Variants in KPNA4 observed in about 807,000 individuals in gnomAD.
KPNA4 encodes importin subunit alpha-3.
Under a neutral mutation model 71.3 loss-of-function variants are expected in KPNA4, and 13 were observed. The ratio of observed to expected loss-of-function variants is 0.18; its 90% CI spans 0.12 to 0.29. The LOEUF is 0.29. KPNA4 is among the 10% of genes least tolerant of loss of function. The probability of loss-of-function intolerance (pLI) is 1.00; values close to 1 mark genes in which losing one functional copy is unlikely to be tolerated. For synonymous variants in KPNA4, 189 were observed against 195.2 expected, an observed-to-expected ratio of 0.97 and a Z score of 0.26; for missense variants, 334 against 603.2, an observed-to-expected ratio of 0.55 and a Z score of 4.67.
In KPNA4 at chr3:160,501,128, A is replaced by G. The variant is rs1362824001; in HGVS notation, c.*976T>C. The G allele has an allele frequency of 6.6e-6, 1 of 151,778 alleles. No individual in the cohort carries two copies. The highest frequency in any genetic ancestry group is 2.4e-5 in the African/African-American group (1 of 41,084). 9.4% of individuals were successfully genotyped at this position (151,778 alleles called of 1,614,324 possible). The stretch of plus-strand genomic sequence containing the variant: ...GGAAATTTATGATTTTTTTCATGCA[A>G]AAATCTACACAAATTAGTTTTGATG... On this transcript the variant is annotated 3_prime_UTR_variant, in exon 17 of 17. Coordinates refer to ENST00000334256, the MANE Select transcript of KPNA4 (RefSeq NM_002268.5).
At chr3:160,549,301 G>T (rs1188035031) in intron 1 of KPNA4, among the ~76,000 whole-genome samples, 1 of 152,104 alleles carries the variant, frequency 6.6e-6, no homozygotes. Context: ...TGTTCCACTT[G>T]TCTATTTTTG....
chr3:160,554,625 T>G (rs890712598), intron 1 of KPNA4, among the ~76,000 whole-genome samples: 9 of 152,180 alleles, frequency 5.9e-5, no homozygotes, highest in African/African-American at 2.2e-4. Flanking sequence ...AAGACATGAC[T>G]AGAGAATTGG....
intron 2 of KPNA4, 23 bp from the exon 3 acceptor site, chr3:160,535,920 A>C (rs750937491): frequency 2.7e-6 from 3 of 1,100,896 alleles, no homozygotes; most frequent in South Asian, 3.8e-5. Flanking sequence ...AAAAAAAAAA[A>C]AAAAACCAAA....
chr3:160,538,390 G>T (rs896181013), intron 1 of KPNA4, among the ~76,000 whole-genome samples: 1 of 152,034 alleles, frequency 6.6e-6, no homozygotes, highest in South Asian at 2.1e-4. Context: ...ACAGTCACAG[G>T]TAATTCTAAT....
At chr3:160,565,154 C>T in intron 1 of KPNA4, 60 bp downstream of exon 1, 1 of 1,416,354 alleles carries the variant, frequency 7.1e-7, no homozygotes, top group South Asian at 1.2e-5. Flanking sequence ...CTCGGGGTCC[C>T]GGCGGAGACC....
At chr3:160,551,387 A>G (rs980009004) in intron 1 of KPNA4, among the ~76,000 whole-genome samples, 7 of 152,230 alleles carry the variant, frequency 4.6e-5, no homozygotes, top group African/African-American at 1.7e-4. Flanking sequence ...GAGTTCAGGA[A>G]AGGGAAGATT....
intron 11 of KPNA4, among the ~76,000 whole-genome samples, chr3:160,518,428 C>A (rs556651634): frequency 9.9e-4 from 150 of 151,382 alleles, no homozygotes; most frequent in African/African-American, 3.4e-3. Context: ...AGCCACCGCG[C>A]CCGGCCTATT....
chr3:160,563,578 G>A (rs1205738779), intron 1 of KPNA4, among the ~76,000 whole-genome samples: 1 of 152,192 alleles, frequency 6.6e-6, no homozygotes, highest in African/African-American at 2.4e-5. Flanking sequence ...GGAAAAAAGG[G>A]TTATAGGGAT....
Position 160,496,500 on chromosome 3 carries a change from G to A in KPNA4, c.*5604C>T, listed in dbSNP as rs1002637468. 6.6e-6 allele frequency: 1 copy of A among 152,196 alleles called. No individual in the cohort carries two copies. Among genetic ancestry groups the A allele is most frequent in the Non-Finnish European group, 1.5e-5 (1 of 68,034 alleles). The allele number at this position is 152,196 out of a possible 1,614,324, so 9.4% of individuals were successfully genotyped here. A position where few individuals can be genotyped will look rare whatever the true frequency, so the allele number is the denominator to read the frequency against. On this transcript the variant is annotated 3_prime_UTR_variant, in exon 17 of 17. Transcript: ENST00000334256. ...CTGGAGAAAATCTTGGGTAATATTA[G>A]AGTAACATAGTCTAGGATAGGAATC...
At chr3:160,540,358 A>G (rs1721775265) in intron 1 of KPNA4, among the ~76,000 whole-genome samples, 1 of 152,126 alleles carries the variant, frequency 6.6e-6, no homozygotes, top group African/African-American at 2.4e-5. Context: ...AGGTTTTTTG[A>G]TAATTTGAAA....
chr3:160,546,171 A>C (rs1452911995), intron 1 of KPNA4, among the ~76,000 whole-genome samples: 1 of 152,216 alleles, frequency 6.6e-6, no homozygotes, highest in Non-Finnish European at 1.5e-5. Context: ...GAGGCACCAC[A>C]AAATAAGGGG....
intron 5 of KPNA4, among the ~76,000 whole-genome samples, chr3:160,531,799 CTT>C (rs113970716): frequency 1.4e-5 from 2 of 146,628 alleles, no homozygotes; most frequent in African/African-American, 2.5e-5. Flanking sequence ...ACTTTACTAC[CTT>C]TTTTTTTTTG....
At chr3:160,524,254 T>G (rs1325813008) in intron 10 of KPNA4, among the ~76,000 whole-genome samples, 1 of 152,252 alleles carries the variant, frequency 6.6e-6, no homozygotes, top group Admixed American at 6.5e-5. Flanking sequence ...ACAATCTATC[T>G]CTAAATAAAG....
chr3:160,565,170 C>A (rs1490043890), intron 1 of KPNA4, 44 bp downstream of exon 1: 2 of 1,522,276 alleles, frequency 1.3e-6, no homozygotes, highest in Admixed American at 1.8e-5. Context: ...AGACCGGCCC[C>A]AGGCCCACAG....
intron 8 of KPNA4, among the ~76,000 whole-genome samples, chr3:160,526,615 C>T (rs989378191): frequency 5.3e-5 from 8 of 152,158 alleles, no homozygotes; most frequent in African/African-American, 1.9e-4. Context: ...GTTTGGAATT[C>T]TGTGTTTTAA....
At chr3:160,538,340 G>A (rs374626381) in intron 1 of KPNA4, among the ~76,000 whole-genome samples, 2 of 151,856 alleles carry the variant, frequency 1.3e-5, no homozygotes, top group African/African-American at 2.4e-5. Context: ...AAGTAATGAC[G>A]ACCATAAATG....
chr3:160,543,264 G>A (rs1036242643), intron 1 of KPNA4, among the ~76,000 whole-genome samples: 12 of 152,170 alleles, frequency 7.9e-5, no homozygotes, highest in East Asian at 1.9e-4. Context: ...GGCAAGTCAC[G>A]ACCTTTACGG....
chr3:160,532,109 G>T (rs543310779), intron 5 of KPNA4, among the ~76,000 whole-genome samples: 16 of 152,220 alleles, frequency 1.1e-4, no homozygotes, highest in African/African-American at 3.9e-4. Context: ...TACTTTTAAT[G>T]GTACAACATT....
At chr3:160,543,021 T>C (rs1416878826) in intron 1 of KPNA4, among the ~76,000 whole-genome samples, 1 of 152,068 alleles carries the variant, frequency 6.6e-6, no homozygotes, top group Non-Finnish European at 1.5e-5. Context: ...AACAGGAAAA[T>C]GTATTAAATT....
Sources: gnomAD v4.1 joint callset for allele counts (sites outside exome capture counted in the v4.1 genomes callset) on GRCh38, gnomAD v4.1.1 for gene constraint, MANE v1.5 for transcripts, NCBI Gene and HGNC (gene_info 2026-07-23, HGNC 2026-07-21) for gene names.